WDR49: variants seen among roughly 807,000 people sequenced by gnomAD.
WDR49 encodes cilia- and flagella-associated protein 337.
In WDR49, 107 loss-of-function variants were observed where a neutral mutation model predicts 119.5. The ratio of observed to expected loss-of-function variants is 0.90; its 90% CI spans 0.77 to 1.05. WDR49 has a LOEUF of 1.05. Ranked by LOEUF, WDR49 falls within the 50% of genes least tolerant of loss-of-function variation. The pLI is 0.00. For missense variants in WDR49, 1,240 were observed against 1,220.5 expected (o/e 1.02, Z -0.24); for synonymous variants, 425 against 418.8 (o/e 1.01, Z -0.18).
intron 16 of WDR49, among the ~76,000 whole-genome samples, chr3:167,510,654 C>T (rs541682730): frequency 3.5e-4 from 53 of 152,090 alleles, no homozygotes; most frequent in Admixed American, 1.8e-3. Flanking sequence ...ATACTTTCAG[C>T]CCTGTGAAAA....
At chr3:167,515,150 G>T (rs1399728171) in intron 16 of WDR49, among the ~76,000 whole-genome samples, 1 of 152,060 alleles carries the variant, frequency 6.6e-6, no homozygotes, top group African/African-American at 2.4e-5. Context: ...GTATCATCCT[G>T]ATACCAAAAC....
chr3:167,500,416 A>T, intron 17 of WDR49, 117 bp from the exon 18 acceptor site: 1 of 1,246,204 alleles, frequency 8.0e-7, no homozygotes, highest in Non-Finnish European at 1.1e-6. Context: ...CCTTCCTGTT[A>T]CTCAGCTGGT....
chr3:167,571,933 T>C (rs910413263), intron 8 of WDR49, among the ~76,000 whole-genome samples: 4 of 152,220 alleles, frequency 2.6e-5, no homozygotes, highest in Non-Finnish European at 4.4e-5. Flanking sequence ...AAACATTATC[T>C]ATTTTACAAA....
At chr3:167,569,887 C>T (rs1713832469) in intron 8 of WDR49, among the ~76,000 whole-genome samples, 1 of 151,980 alleles carries the variant, frequency 6.6e-6, no homozygotes, top group African/African-American at 2.4e-5. Context: ...AAATATATGC[C>T]ACCTATCTTT....
In WDR49 at chr3:167,560,116, A is replaced by AG. The variant is rs779982735; in HGVS notation, c.1621dup (p.Leu541ProfsTer2). The AG allele has an allele frequency of 3.7e-6, 6 of 1,614,096 alleles. No homozygotes were observed. The Admixed American group carries it at 1.0e-4, about 27-fold the overall frequency. On this transcript the variant is annotated frameshift_variant, in exon 9 of 19. Transcript: ENST00000682715. LOFTEE classifies it high-confidence loss of function. ...CAAAAGCCGAGTCTCATTTGCATCA[A>AG]GGGCCATAGTGCTGATTTCTGCGTT...
upstream of WDR49, among the ~76,000 whole-genome samples, chr3:167,657,121 T>A (rs143978185): frequency 1.8e-4 from 27 of 152,320 alleles, no homozygotes; most frequent in African/African-American, 6.3e-4. Flanking sequence ...GACATAAATA[T>A]AGACCTTCCT....
At chr3:167,638,896 C>T (rs568416991) in intron 2 of WDR49, among the ~76,000 whole-genome samples, 4 of 151,638 alleles carry the variant, frequency 2.6e-5, no homozygotes, top group South Asian at 2.1e-4. Context: ...TTCAACATTT[C>T]GATTTCCTAT....
chr3:167,528,373 A>G lies in WDR49; in HGVS notation c.2407-356T>C, dbSNP rs144896760. Among the ~76,000 whole-genome samples the G allele has an allele frequency of 1.4e-3, 206 of 152,050 alleles. 4 individuals are homozygous for G. The East Asian group carries it at 0.031, about 23-fold the overall frequency. On this transcript the variant is annotated intron_variant, in intron 14 of 18. Transcript: ENST00000682715. ...AAAATTGAGCAGGTAATCAGTGATA[A>G]AAAAGAAAAAATCCCAAACTAACTC... is the stretch of plus-strand genomic sequence containing the variant.
intron 8 of WDR49, chr3:167,566,837 T>C (rs1316451319): frequency 6.0e-6 from 4 of 663,374 alleles, no homozygotes; most frequent in South Asian, 3.4e-5. Context: ...TACTATTTAT[T>C]GAGTGGAAGT....
intron 2 of WDR49, among the ~76,000 whole-genome samples, chr3:167,633,798 C>T (rs1018980241): frequency 3.9e-5 from 6 of 151,926 alleles, no homozygotes; most frequent in Non-Finnish European, 5.9e-5. Flanking sequence ...TTTGTATTCC[C>T]TTAAGCCAGT....
At chr3:167,505,451 T>A (rs1751730527) in intron 16 of WDR49, 35 bp from the exon 17 acceptor site, 1 of 1,484,748 alleles carries the variant, frequency 6.7e-7, no homozygotes, top group African/African-American at 1.5e-5. Flanking sequence ...AATACATTAT[T>A]AACCACAGGG....
Position 167,599,452 on chromosome 3 carries a change from G to A in WDR49, c.1275+2675C>T, listed in dbSNP as rs539003794. Among the ~76,000 whole-genome samples the A allele has an allele frequency of 1.1e-4, 16 of 152,050 alleles. No individual in the cohort carries two copies. The South Asian group carries it at 1.5e-3, about 14-fold the overall frequency. Reference sequence around the variant, plus strand: ...TCTTCAGTCAGCTTGTGGTGAAGTCGGCCAAGCCTGAGACTCACCCTTCAG... The same window carrying A: ...TCTTCAGTCAGCTTGTGGTGAAGTCAGCCAAGCCTGAGACTCACCCTTCAG... On this transcript the variant is annotated intron_variant, in intron 7 of 18. Coordinates refer to ENST00000682715, the MANE Select transcript of WDR49 (RefSeq NM_001366157.1).
rs117810477 is a variant in WDR49, at chr3:167,495,995, G to A, written c.3031+4158C>T. ...TGAAATAAATGCATTTTTCAGACATGTAAAAGCTGGGAAAATTATTCACAA... is the reference window on the plus strand; with the variant it reads ...TGAAATAAATGCATTTTTCAGACATATAAAAGCTGGGAAAATTATTCACAA... On this transcript the variant is annotated intron_variant, in intron 18 of 18. Transcript: ENST00000682715. Among the ~76,000 whole-genome samples the A allele has an allele frequency of 1.4e-3, 203 of 150,214 alleles. 5 individuals are homozygous for A. The East Asian group carries it at 0.031, about 23-fold the overall frequency.
chr3:167,599,276 C>A (rs1004362697), intron 7 of WDR49, among the ~76,000 whole-genome samples: 1 of 152,204 alleles, frequency 6.6e-6, no homozygotes, highest in African/African-American at 2.4e-5. Context: ...TTTACTATGA[C>A]TGAACTGGCA....
At chr3:167,590,452 T>G in intron 7 of WDR49, among the ~76,000 whole-genome samples, 1 of 152,092 alleles carries the variant, frequency 6.6e-6, no homozygotes, top group Non-Finnish European at 1.5e-5. Context: ...TCCTTTACTT[T>G]GTGGAGTAGT....
Position 167,620,948 on chromosome 3 carries a change from G to A in WDR49, c.784-345C>T, listed in dbSNP as rs143408786. 3.5e-3 allele frequency among the ~76,000 whole-genome samples: 532 copies of A among 152,096 alleles called. 2 individuals are homozygous for A. Among genetic ancestry groups the A allele is most frequent in the Middle Eastern group, 0.01 (3 of 294 alleles). The stretch of plus-strand genomic sequence containing the variant: ...AGTAAGTAATAATTTTTCATAGTTC[G>A]GGTGAAATTTGATAGGAAGACAGAA... On this transcript the variant is annotated intron_variant, in intron 4 of 18. Coordinates refer to ENST00000682715, the MANE Select transcript of WDR49 (RefSeq NM_001366157.1).
At chr3:167,618,324 T>C (rs926813827) in intron 5 of WDR49, among the ~76,000 whole-genome samples, 1 of 152,204 alleles carries the variant, frequency 6.6e-6, no homozygotes, top group Non-Finnish European at 1.5e-5. Flanking sequence ...GATATTAAGT[T>C]TTCTGAGGGT....
rs186094604 is a variant in WDR49, at chr3:167,570,343, C to G, written c.1509+5575G>C. On this transcript the variant is annotated intron_variant, in intron 8 of 18. Coordinates refer to ENST00000682715, the MANE Select transcript of WDR49 (RefSeq NM_001366157.1). ...ATTTTACAATTACCAAGGGAACCAC[C>G]AATTGAATTGTTTGGATTCCCAAAT... Among the ~76,000 whole-genome samples the G allele has an allele frequency of 5.5e-4, 83 of 152,270 alleles. 2 individuals carry two copies. Among genetic ancestry groups the G allele is most frequent in the Admixed American group, 4.8e-3 (73 of 15,300 alleles).
intron 2 of WDR49, among the ~76,000 whole-genome samples, chr3:167,640,113 G>T (rs1219815037): frequency 6.6e-6 from 1 of 151,800 alleles, no homozygotes; most frequent in East Asian, 1.9e-4. Context: ...TGAAAAGGGG[G>T]AGAAAGAAAT....
Sources: allele counts gnomAD v4.1 joint callset (sites outside exome capture counted in the v4.1 genomes callset), GRCh38; gene constraint gnomAD v4.1.1; transcripts MANE v1.5; gene names NCBI Gene and HGNC (gene_info 2026-07-23, HGNC 2026-07-21).